The following RPL37A variants were observed in gnomAD, a reference collection of about 807,000 sequenced individuals.
The protein encoded by RPL37A is ribosomal protein L37a.
Under a neutral mutation model 13.6 loss-of-function variants are expected in RPL37A, and 5 were observed. The observed-to-expected ratio is 0.37, with a 90% CI of 0.19 to 0.78. The LOEUF is 0.78. RPL37A is among the 30% of genes least tolerant of loss of function. RPL37A has a pLI of 0.49. For synonymous variants in RPL37A, 50 were observed against 44.4 expected, an observed-to-expected ratio of 1.13 and a Z score of -0.50; for missense variants, 77 against 120.0, an observed-to-expected ratio of 0.64 and a Z score of 1.67.
rs1407236247 is a variant in RPL37A at position 216,502,864 on chromosome 2, C to A, written c.*1460C>A. On this transcript the variant is annotated 3_prime_UTR_variant, in exon 4 of 4. Coordinates refer to ENST00000491306, the MANE Select transcript of RPL37A (RefSeq NM_000998.5). The stretch of plus-strand genomic sequence containing the variant: ...CGGATGTCTCCCTTCACCTGTACCT[C>A]CTGCATTGCCTCTGGCAGAAACATC... 6.6e-6 allele frequency: 1 copy of A among 152,212 alleles called. No individual in the cohort carries two copies. Among genetic ancestry groups the A allele is most frequent in the Non-Finnish European group, 1.5e-5 (1 of 68,052 alleles). 9.4% of individuals were successfully genotyped at this position (152,212 alleles called of 1,614,324 possible).
At chr2:216,499,729 C>G (rs284573) in intron 2 of RPL37A, 216,515 of 694,390 alleles carry the variant, frequency 0.31, 35,559 homozygotes, top group Middle Eastern at 0.36. Context: ...GTCTGTGCAT[C>G]TAATACCATT....
At position 216,503,608 on chromosome 2, in the gene RPL37A, A is replaced by ACCAGGCTGGTCTCAAACTC. The variant is rs1695633708; in HGVS notation, c.*2212_*2230dup. ...GTAGAGATGGGCTTTCGCCATGTTGACCAGGCTGGTCTCAAACTCCCAGGC... is the reference window on the plus strand; with the variant it reads ...GTAGAGATGGGCTTTCGCCATGTTGACCAGGCTGGTCTCAAACTCCCAGGCTGGTCTCAAACTCCCAGGC... On this transcript the variant is annotated 3_prime_UTR_variant, in exon 4 of 4. Transcript: ENST00000491306. 6.6e-6 allele frequency: 1 copy of ACCAGGCTGGTCTCAAACTC among 152,106 alleles called. No individual in the cohort carries two copies. Among genetic ancestry groups the ACCAGGCTGGTCTCAAACTC allele is most frequent in the African/African-American group, 2.4e-5 (1 of 41,394 alleles). The allele number at this position is 152,106 out of a possible 1,614,324, so 9.4% of individuals were successfully genotyped here. A position where few individuals can be genotyped will look rare whatever the true frequency, so the allele number is the denominator to read the frequency against.
chr2:216,500,149 T>A, intron 3 of RPL37A, 118 bp downstream of exon 3: 1 of 742,038 alleles, frequency 1.3e-6, no homozygotes, highest in Non-Finnish European at 2.4e-6. Context: ...TAAGGATGCC[T>A]TTGTATTTTC....
chr2:216,500,152 G>A (rs1695575249), intron 3 of RPL37A, 121 bp downstream of exon 3: 7 of 719,566 alleles, frequency 9.7e-6, no homozygotes, highest in South Asian at 1.6e-5. Flanking sequence ...GGATGCCTTT[G>A]TATTTTCAGG....
At chr2:216,500,248 T>G (rs1246839593) in intron 3 of RPL37A, 7 of 584,456 alleles carry the variant, frequency 1.2e-5, no homozygotes, top group Non-Finnish European at 1.8e-5. Context: ...ATTCACAGAC[T>G]ACTTTAGAAT....
rs1328117506 is a variant in RPL37A, at chr2:216,498,883, T to C, written c.3+6T>C. 6.2e-7 allele frequency: 1 copy of C among 1,613,936 alleles called. No homozygotes were observed. The highest frequency in any genetic ancestry group is 8.5e-7 in the Non-Finnish European group (1 of 1,179,896). ...ACCTAGGTCGCGGCGACATGGTGAG[T>C]GTGGGTCTCTGTGCGGCCTAGAACT... is the stretch of plus-strand genomic sequence containing the variant. On this transcript the variant is annotated splice_donor_region_variant and intron_variant, in intron 1 of 3. Coordinates refer to ENST00000491306, the MANE Select transcript of RPL37A (RefSeq NM_000998.5).
Position 216,502,400 on chromosome 2 carries a change from C to G in RPL37A, c.*996C>G, listed in dbSNP as rs2106111372. The G allele has an allele frequency of 6.6e-6, 1 of 152,316 alleles. No individual in the cohort carries two copies. The highest frequency in any genetic ancestry group is 2.1e-4 in the South Asian group (1 of 4,830). 9.4% of individuals were successfully genotyped at this position (152,316 alleles called of 1,614,324 possible). ...CCTCTTCTATGATGTTTCATTTGAC[C>G]TACACCATCAGCATCTTCAGGAAAC... On this transcript the variant is annotated 3_prime_UTR_variant, in exon 4 of 4. Coordinates refer to ENST00000491306, the MANE Select transcript of RPL37A (RefSeq NM_000998.5).
intron 3 of RPL37A, 79 bp downstream of exon 3, chr2:216,500,110 G>A: frequency 9.7e-7 from 1 of 1,029,372 alleles, no homozygotes; most frequent in Non-Finnish European, 1.5e-6. Context: ...GGATGGGCTA[G>A]TTTTAACACT....
chr2:216,500,776 G>T (rs1480839240), intron 3 of RPL37A: 1 of 152,252 alleles, frequency 6.6e-6, no homozygotes, highest in African/African-American at 2.4e-5. Context: ...TGATTTTCAG[G>T]TATAGTTCCT....
At position 216,501,466 on chromosome 2, in the gene RPL37A, A is replaced by G; in HGVS notation, c.*62A>G. The G allele has an allele frequency of 8.1e-7, 1 of 1,228,678 alleles. No homozygotes were observed. The highest frequency in any genetic ancestry group is 1.8e-5 in the Admixed American group (1 of 54,730). 76.1% of individuals were successfully genotyped at this position (1,228,678 alleles called of 1,614,324 possible). The stretch of plus-strand genomic sequence containing the variant: ...ATAAATGGGTTAATTTATGTAACAA[A>G]ATTGCCTTGGCTTGTTAACTTTATT... On this transcript the variant is annotated 3_prime_UTR_variant, in exon 4 of 4. Transcript: ENST00000491306.
rs28365966 is a variant in RPL37A, at chr2:216,498,873, A to C, written c.-2A>C. Reference sequence around the variant, plus strand: ...CTGGGCTCGGACCTAGGTCGCGGCGACATGGTGAGTGTGGGTCTCTGTGCG... The same window carrying C: ...CTGGGCTCGGACCTAGGTCGCGGCGCCATGGTGAGTGTGGGTCTCTGTGCG... On this transcript the variant is annotated 5_prime_UTR_variant, in exon 1 of 4. Transcript: ENST00000491306. 6.2e-7 allele frequency: 1 copy of C among 1,614,016 alleles called. No individual in the cohort carries two copies. Among genetic ancestry groups the C allele is most frequent in the Non-Finnish European group, 8.5e-7 (1 of 1,179,924 alleles).
In RPL37A at chr2:216,502,648, T is replaced by C. The variant is rs1411172048; in HGVS notation, c.*1244T>C. On this transcript the variant is annotated 3_prime_UTR_variant, in exon 4 of 4. Transcript: ENST00000491306. The stretch of plus-strand genomic sequence containing the variant: ...TCTAACTCCTCAACCATCTGTGGTA[T>C]GGACTTCTCAGTCCTCCTAATTGGT... The C allele has an allele frequency of 2.0e-5, 3 of 152,244 alleles. No homozygotes were observed. Among genetic ancestry groups the C allele is most frequent in the Admixed American group, 1.3e-4 (2 of 15,280 alleles). 9.4% of individuals were successfully genotyped at this position (152,244 alleles called of 1,614,324 possible). A position where few individuals can be genotyped will look rare whatever the true frequency, so the allele number is the denominator to read the frequency against.
chr2:216,499,009 C>T lies in RPL37A; in HGVS notation c.3+132C>T, dbSNP rs1049336476. On this transcript the variant is annotated intron_variant, in intron 1 of 3. Coordinates refer to ENST00000491306, the MANE Select transcript of RPL37A (RefSeq NM_000998.5). ...GTCTCCATGCCTTTGCAGGAGACAC[C>T]ATTGTCGGAAGCTCCCCAAGGCGGA... 7.9e-6 allele frequency: 11 copies of T among 1,385,634 alleles called. No homozygotes were observed. In the African/African-American group the frequency reaches 1.4e-4, roughly 18 times the overall value. The allele number at this position is 1,385,634 out of a possible 1,614,324, so 85.8% of individuals were successfully genotyped here. A position where few individuals can be genotyped will look rare whatever the true frequency, so the allele number is the denominator to read the frequency against.
At position 216,503,414 on chromosome 2, in the gene RPL37A, TTTCTG is replaced by T. The variant is rs1695630248; in HGVS notation, c.*2011_*2015del. 6.6e-6 allele frequency: 1 copy of T among 152,178 alleles called. No homozygotes were observed. The highest frequency in any genetic ancestry group is 2.1e-4 in the South Asian group (1 of 4,830). The allele number at this position is 152,178 out of a possible 1,614,324, so 9.4% of individuals were successfully genotyped here. On this transcript the variant is annotated 3_prime_UTR_variant, in exon 4 of 4. Coordinates refer to ENST00000491306, the MANE Select transcript of RPL37A (RefSeq NM_000998.5). The stretch of plus-strand genomic sequence containing the variant: ...CAGTGAAGTACTGCTTTTTGTTTGT[TTTCTG>T]AGAGAGTGTCTGTCACCCAGGCTGA...
At chr2:216,500,125 C>G (rs374071662) in intron 3 of RPL37A, 94 bp downstream of exon 3, 15 of 894,170 alleles carry the variant, frequency 1.7e-5, no homozygotes, top group African/African-American at 9.9e-5. Context: ...AACACTTTCT[C>G]AGGACTGAGA....
In RPL37A at chr2:216,501,485, C is replaced by CT; in HGVS notation, c.*84dup. 2.2e-6 allele frequency: 2 copies of CT among 907,290 alleles called. No individual in the cohort carries two copies. The highest frequency in any genetic ancestry group is 3.6e-6 in the Non-Finnish European group (2 of 560,022). The allele number at this position is 907,290 out of a possible 1,614,324, so 56.2% of individuals were successfully genotyped here. A position where few individuals can be genotyped will look rare whatever the true frequency, so the allele number is the denominator to read the frequency against. On this transcript the variant is annotated 3_prime_UTR_variant, in exon 4 of 4. Transcript: ENST00000491306. The stretch of plus-strand genomic sequence containing the variant: ...TAACAAAATTGCCTTGGCTTGTTAA[C>CT]TTTATTAGACATTCTGATGTTTGCA...
Position 216,499,397 on chromosome 2 carries a change from A to G in RPL37A, c.131A>G (p.Lys44Arg). ...AAGTACACTTGCTCTTTCTGTGGCA[A>G]AGTAAGTAAGGCAAAGTCTCTGGTG... ...HAKYTCSFCG[K>R]TKMKRRAVGI... The change falls in exon 2 of 4, where the codon AAA becomes AGA. Residue 44 changes from lysine (K) to arginine (R), a missense_variant and splice_region_variant. Around this residue, in one of 3 missense-constraint regions of RPL37A, gnomAD observed 59 missense variants for 65.5 expected, o/e 0.90. Transcript: ENST00000491306. The G allele has an allele frequency of 2.5e-6, 4 of 1,614,114 alleles. No homozygotes were observed. Among genetic ancestry groups the G allele is most frequent in the Non-Finnish European group, 3.4e-6 (4 of 1,179,990 alleles).
chr2:216,499,415 C>G lies in RPL37A; in HGVS notation c.132+17C>G, dbSNP rs753059764. On this transcript the variant is annotated intron_variant, in intron 2 of 3. Transcript: ENST00000491306. Reference sequence around the variant, plus strand: ...TGTGGCAAAGTAAGTAAGGCAAAGTCTCTGGTGAGAGGAGAGGGAGGGCAG... The same window carrying G: ...TGTGGCAAAGTAAGTAAGGCAAAGTGTCTGGTGAGAGGAGAGGGAGGGCAG... 3 of 1,613,426 alleles carry G rather than the reference C, an allele frequency of 1.9e-6. No individual in the cohort carries two copies. The East Asian group carries it at 6.7e-5, about 36-fold the overall frequency.
rs1695603007 is a variant in RPL37A at position 216,501,760 on chromosome 2, C to T, written c.*356C>T. The T allele has an allele frequency of 5.3e-6, 1 of 190,008 alleles. No homozygotes were observed. Among genetic ancestry groups the T allele is most frequent in the African/African-American group, 2.4e-5 (1 of 42,080 alleles). 11.8% of individuals were successfully genotyped at this position (190,008 alleles called of 1,614,324 possible). A position where few individuals can be genotyped will look rare whatever the true frequency, so the allele number is the denominator to read the frequency against. Reference sequence around the variant, plus strand: ...TTTTTGAGGCGGAGTCTCTGTTACCCAGGCTGGAGTGCAGTATACCAGTCT... The same window carrying T: ...TTTTTGAGGCGGAGTCTCTGTTACCTAGGCTGGAGTGCAGTATACCAGTCT... On this transcript the variant is annotated 3_prime_UTR_variant, in exon 4 of 4. Transcript: ENST00000491306.
Sources: allele counts gnomAD v4.1 joint callset, GRCh38; gene constraint gnomAD v4.1.1; regional missense constraint gnomAD v4.1.1; transcripts MANE v1.5; gene names NCBI Gene and HGNC (gene_info 2026-07-23, HGNC 2026-07-21).